Variants in ADGRL2 observed in about 807,000 individuals in gnomAD.
The protein encoded by ADGRL2 is adhesion G protein-coupled receptor L2.
In ADGRL2, 44 loss-of-function variants were observed where a neutral mutation model predicts 157.4. The ratio of observed to expected loss-of-function variants is 0.28; its 90% CI spans 0.22 to 0.36. The LOEUF (loss-of-function observed/expected upper bound fraction) is 0.36, where lower values mean the gene tolerates loss of function less well. ADGRL2 is among the 10% of genes least tolerant of loss of function. ADGRL2 has a pLI of 1.00. For missense variants in ADGRL2, 1,510 were observed against 1,768.9 expected (o/e 0.85, Z 2.63); for synonymous variants, 585 against 624.7 (o/e 0.94, Z 0.95).
intron 1 of ADGRL2, chr1:81,722,730 A>T (rs973119814): frequency 2.5e-5 from 23 of 906,210 alleles, no homozygotes; most frequent in Non-Finnish European, 3.6e-5. Flanking sequence ...CGAGAGATCA[A>T]AGAATAGAAA....
intron 2 of ADGRL2, among the ~76,000 whole-genome samples, chr1:81,494,637 A>C (rs545934208): frequency 6.6e-6 from 1 of 152,146 alleles, no homozygotes; most frequent in Non-Finnish European, 1.5e-5. Flanking sequence ...TTGATTACCA[A>C]CCAGTCCATC....
intron 2 of ADGRL2, among the ~76,000 whole-genome samples, chr1:81,576,163 A>G (rs968849518): frequency 2.6e-5 from 4 of 152,124 alleles, no homozygotes. Flanking sequence ...GTGGTGGATG[A>G]GGTGGGTATT....
At chr1:81,628,551 G>C (rs948101813) in intron 3 of ADGRL2, among the ~76,000 whole-genome samples, 1 of 152,082 alleles carries the variant, frequency 6.6e-6, no homozygotes, top group African/African-American at 2.4e-5. Flanking sequence ...AGGAACTTGA[G>C]ATTATAATCC....
intron 1 of ADGRL2, among the ~76,000 whole-genome samples, chr1:81,340,275 G>T (rs1394351991): frequency 2.0e-5 from 3 of 152,168 alleles, no homozygotes; most frequent in African/African-American, 7.2e-5. Context: ...ATTTTATTCT[G>T]TCTTTGTATG....
intron 1 of ADGRL2, among the ~76,000 whole-genome samples, chr1:81,324,085 A>G (rs546414346): frequency 2.0e-5 from 3 of 152,164 alleles, no homozygotes; most frequent in African/African-American, 7.2e-5. Context: ...TGGCTAATGT[A>G]TTGGAAGGAG....
chr1:81,471,320 A>G (rs1332069253), intron 2 of ADGRL2, among the ~76,000 whole-genome samples: 3 of 152,168 alleles, frequency 2.0e-5, no homozygotes, highest in African/African-American at 7.2e-5. Flanking sequence ...ATACCTTAGC[A>G]TTATTTAGTA....
Position 81,822,569 on chromosome 1 carries a change from G to C in ADGRL2, c.-100-14316G>C, listed in dbSNP as rs184123628. On this transcript the variant is annotated intron_variant, in intron 1 of 23. Transcript: ENST00000686636. ...GCTCGGTCATCTAGGCTATAGTGCA[G>C]TGGTACAGTCATAGCTCACTGCAGC... 3.9e-5 allele frequency among the ~76,000 whole-genome samples: 6 copies of C among 152,022 alleles called. No individual in the cohort carries two copies. The East Asian group carries it at 1.2e-3, about 29-fold the overall frequency.
At position 81,408,652 on chromosome 1, in the gene ADGRL2, A is replaced by G. The variant is rs192363863; in HGVS notation, c.-301-36384A>G. On this transcript the variant is annotated intron_variant, in intron 1 of 24. Transcript: ENST00000370721. Reference sequence around the variant, plus strand: ...ACCCTTGTTCACTCGTGCATAAAATATAACTGCCCCCAAGGGTGTGCACGT... The same window carrying G: ...ACCCTTGTTCACTCGTGCATAAAATGTAACTGCCCCCAAGGGTGTGCACGT... Among the ~76,000 whole-genome samples the G allele has an allele frequency of 3.2e-3, 489 of 152,288 alleles. 3 individuals are homozygous for G. The highest frequency in any genetic ancestry group is 4.2e-3 in the Non-Finnish European group (285 of 68,018).
intron 1 of ADGRL2, among the ~76,000 whole-genome samples, chr1:81,404,461 T>G (rs2076818067): frequency 6.6e-6 from 1 of 152,198 alleles, no homozygotes; most frequent in Non-Finnish European, 1.5e-5. Context: ...AATGAGCTTT[T>G]AATCACATTT....
chr1:81,664,352 G>A (rs1429833693), intron 3 of ADGRL2, among the ~76,000 whole-genome samples: 2 of 151,992 alleles, frequency 1.3e-5, no homozygotes, highest in African/African-American at 4.8e-5. Flanking sequence ...AGATCTGCAT[G>A]CATGTGTACA....
chr1:81,758,940 T>C (rs1396526569), intron 1 of ADGRL2, among the ~76,000 whole-genome samples: 1 of 152,142 alleles, frequency 6.6e-6, no homozygotes, highest in Non-Finnish European at 1.5e-5. Context: ...ATATTTTTAA[T>C]TAAACTTCTC....
intron 2 of ADGRL2, among the ~76,000 whole-genome samples, chr1:81,895,584 G>T (rs1030880875): frequency 2.6e-5 from 4 of 151,386 alleles, no homozygotes; most frequent in African/African-American, 7.3e-5. Flanking sequence ...TAGTAGAGAC[G>T]GGGTTTCACC....
At chr1:81,985,229 CAT>C (rs1254167537) in intron 20 of ADGRL2, 28 bp from the exon 21 acceptor site, 1 of 1,313,600 alleles carries the variant, frequency 7.6e-7, no homozygotes, top group Non-Finnish European at 1.1e-6. Flanking sequence ...ACTAACAAAA[CAT>C]ATTTGTCTTG....
In ADGRL2 at chr1:81,952,136, T is replaced by C. The variant is rs747652633; in HGVS notation, c.1788T>C (p.Tyr596=). 7.3e-5 allele frequency: 117 copies of C among 1,610,866 alleles called. No individual in the cohort carries two copies. The highest frequency in any genetic ancestry group is 9.7e-5 in the Non-Finnish European group (114 of 1,178,144). The change falls in exon 9 of 24, where the codon TAT becomes TAC. Residue 596 remains tyrosine, a synonymous_variant. Transcript: ENST00000686636. The part of the protein sequence containing the change: ...PSEKDSAGRS[Y]NKLQKREKTC... ...AAAAAGATTCAGCTGGACGGAGTTATAACAAGGTAGAGAGAACTCTTCTGT... is the reference window on the plus strand; with the variant it reads ...AAAAAGATTCAGCTGGACGGAGTTACAACAAGGTAGAGAGAACTCTTCTGT...
intron 2 of ADGRL2, among the ~76,000 whole-genome samples, chr1:81,548,931 C>T (rs2080081569): frequency 6.6e-6 from 1 of 152,120 alleles, no homozygotes; most frequent in African/African-American, 2.4e-5. Context: ...CAAGAATTTC[C>T]AGGTCTTGAA....
At position 81,827,409 on chromosome 1, in the gene ADGRL2, T is replaced by TC. The variant is rs551219772; in HGVS notation, c.-100-9475dup. On this transcript the variant is annotated intron_variant, in intron 1 of 23. Coordinates refer to ENST00000686636, the MANE Select transcript of ADGRL2 (RefSeq NM_001366006.2). ...TTGTCCAAACCTCATCACTTTTCAT[T>TC]CTCCCGTTATTTACTATTTTGATTG... 1.3e-3 allele frequency among the ~76,000 whole-genome samples: 195 copies of TC among 152,252 alleles called. 7 individuals are homozygous for TC. The South Asian group carries it at 0.037, about 29-fold the overall frequency.
intron 3 of ADGRL2, among the ~76,000 whole-genome samples, chr1:81,674,919 A>C (rs2082954957): frequency 6.6e-6 from 1 of 152,248 alleles, no homozygotes; most frequent in South Asian, 2.1e-4. Context: ...CATATGAAAA[A>C]TAAAAACTAA....
intron 1 of ADGRL2, among the ~76,000 whole-genome samples, chr1:81,822,258 C>A (rs1391917002): frequency 6.6e-6 from 1 of 151,532 alleles, no homozygotes; most frequent in African/African-American, 2.4e-5. Flanking sequence ...AGAAAAAAAT[C>A]ACTGTTAAGA....
chr1:81,361,670 G>T (rs77569748), intron 1 of ADGRL2, among the ~76,000 whole-genome samples: 1 of 151,914 alleles, frequency 6.6e-6, no homozygotes, highest in Non-Finnish European at 1.5e-5. Context: ...ACAATCTGAT[G>T]CTTCCACTTT....
Sources: allele counts gnomAD v4.1 joint callset (sites outside exome capture counted in the v4.1 genomes callset), GRCh38; gene constraint gnomAD v4.1.1; transcripts MANE v1.5; gene names NCBI Gene and HGNC (gene_info 2026-07-23, HGNC 2026-07-21).